TMEM45B: variants seen among roughly 807,000 people sequenced by gnomAD.
TMEM45B encodes the protein transmembrane protein 45B.
Under a neutral mutation model 27.3 loss-of-function variants are expected in TMEM45B, and 29 were observed. That is an observed-to-expected ratio of 1.06 (90% CI 0.79 to 1.45). TMEM45B has a LOEUF of 1.45. Ranked by LOEUF, TMEM45B falls within the 40% of genes most tolerant of loss-of-function variation. TMEM45B has a pLI of 0.00. For synonymous variants in TMEM45B, 143 were observed against 134.7 expected (o/e 1.06, Z -0.43); for missense variants, 348 against 343.9 (o/e 1.01, Z -0.09).
At chr11:129,827,837 G>T (rs1029551345) in intron 1 of TMEM45B, among the ~76,000 whole-genome samples, 1 of 152,108 alleles carries the variant, frequency 6.6e-6, no homozygotes, top group Non-Finnish European at 1.5e-5. Context: ...GAGCGTGGTG[G>T]TGCACACCTG....
intron 2 of TMEM45B, among the ~76,000 whole-genome samples, chr11:129,854,175 G>A (rs1029444339): frequency 6.6e-6 from 1 of 152,168 alleles, no homozygotes; most frequent in Non-Finnish European, 1.5e-5. Context: ...TTACCAGTGT[G>A]TCTCTGCTCA....
At chr11:129,832,001 G>A (rs923252744) in intron 1 of TMEM45B, among the ~76,000 whole-genome samples, 2 of 142,668 alleles carry the variant, frequency 1.4e-5, no homozygotes, top group African/African-American at 5.2e-5. Context: ...GGGAGGTAGA[G>A]GTTGCAGTGA....
chr11:129,842,835 A>G (rs1423808289), intron 1 of TMEM45B, among the ~76,000 whole-genome samples: 1 of 152,276 alleles, frequency 6.6e-6, no homozygotes, highest in East Asian at 1.9e-4. Context: ...TGCATAGCAA[A>G]GAAAACCATG....
intron 1 of TMEM45B, among the ~76,000 whole-genome samples, chr11:129,838,815 TC>T (rs1278944750): frequency 6.6e-6 from 1 of 152,138 alleles, no homozygotes; most frequent in Non-Finnish European, 1.5e-5. Flanking sequence ...AAATTCACTT[TC>T]CCCCTTTTTC....
rs191517970 is a variant in TMEM45B, at chr11:129,841,636, G to A, written c.-8-10839G>A. Among the ~76,000 whole-genome samples, 19 of 129,974 alleles carry A rather than the reference G, an allele frequency of 1.5e-4. 1 individual carries two copies. In the Middle Eastern group the frequency reaches 0.015, roughly 106 times the overall value. 85.3% of individuals were successfully genotyped at this position (129,974 alleles called of 152,430 possible). A position where few individuals can be genotyped will look rare whatever the true frequency, so the allele number is the denominator to read the frequency against. On this transcript the variant is annotated intron_variant, in intron 1 of 5. Transcript: ENST00000281441. ...AGACAAGAGTCTCACTCTGTCGCCCGCCCAGGCTGGAGTGCAGTGACGTGA... is the reference window on the plus strand; with the variant it reads ...AGACAAGAGTCTCACTCTGTCGCCCACCCAGGCTGGAGTGCAGTGACGTGA...
intron 1 of TMEM45B, among the ~76,000 whole-genome samples, chr11:129,838,071 C>A (rs529388031): frequency 6.6e-6 from 1 of 151,958 alleles, no homozygotes; most frequent in African/African-American, 2.4e-5. Context: ...CGTGAGCCAC[C>A]GCGTGCAGCC....
chr11:129,836,082 C>A (rs1219537852), intron 1 of TMEM45B, among the ~76,000 whole-genome samples: 2 of 151,952 alleles, frequency 1.3e-5, no homozygotes, highest in Non-Finnish European at 2.9e-5. Context: ...CGCGCCATTG[C>A]ACTCCAGCCT....
chr11:129,851,195 G>A (rs1225504511), intron 1 of TMEM45B, among the ~76,000 whole-genome samples: 1 of 152,154 alleles, frequency 6.6e-6, no homozygotes, highest in Non-Finnish European at 1.5e-5. Context: ...ATGAGGGAGG[G>A]CATCTGCTCC....
intron 1 of TMEM45B, among the ~76,000 whole-genome samples, chr11:129,834,442 A>G (rs1238105746): frequency 6.6e-6 from 1 of 151,982 alleles, no homozygotes; most frequent in Non-Finnish European, 1.5e-5. Flanking sequence ...AAGGAAAAAA[A>G]AAAACAGCAA....
In TMEM45B at chr11:129,833,179, G is replaced by T. The variant is rs1947573213; in HGVS notation, c.-9+17281G>T. On this transcript the variant is annotated intron_variant, in intron 1 of 5. Coordinates refer to ENST00000281441, the MANE Select transcript of TMEM45B (RefSeq NM_138788.5). Reference sequence around the variant, plus strand: ...TGCTTGAACCCGAGAGGTGGAGGCTGCAGTGAGTTGAGGTTGTGCCACTGC... The same window carrying T: ...TGCTTGAACCCGAGAGGTGGAGGCTTCAGTGAGTTGAGGTTGTGCCACTGC... Among the ~76,000 whole-genome samples, 2 of 151,650 alleles carry T rather than the reference G, an allele frequency of 1.3e-5. 1 individual carries two copies. Among genetic ancestry groups the T allele is most frequent in the Admixed American group, 1.3e-4 (2 of 15,178 alleles).
chr11:129,821,862 G>A (rs985775589), intron 1 of TMEM45B, among the ~76,000 whole-genome samples: 14 of 152,018 alleles, frequency 9.2e-5, no homozygotes, highest in African/African-American at 2.7e-4. Flanking sequence ...GTTTTTTGGC[G>A]GGGTGGGGGG....
chr11:129,837,719 T>A (rs1222789454), intron 1 of TMEM45B, among the ~76,000 whole-genome samples: 1 of 150,582 alleles, frequency 6.6e-6, no homozygotes, highest in Non-Finnish European at 1.5e-5. Flanking sequence ...CCAGCTAATT[T>A]TTTTTTTCTT....
intron 1 of TMEM45B, among the ~76,000 whole-genome samples, chr11:129,844,519 C>T (rs889807864): frequency 2.6e-5 from 4 of 152,080 alleles, no homozygotes; most frequent in African/African-American, 9.7e-5. Flanking sequence ...GACGTTGTCT[C>T]TACAAAAAAT....
chr11:129,848,366 C>T (rs921953383), intron 1 of TMEM45B, among the ~76,000 whole-genome samples: 7 of 151,320 alleles, frequency 4.6e-5, no homozygotes, highest in South Asian at 2.1e-4. Flanking sequence ...TACGAAAACC[C>T]GTCAGGCGTG....
At chr11:129,833,895 A>G (rs1010733007) in intron 1 of TMEM45B, among the ~76,000 whole-genome samples, 7 of 152,232 alleles carry the variant, frequency 4.6e-5, no homozygotes, top group Non-Finnish European at 1.0e-4. Flanking sequence ...CATTCTGCCA[A>G]TGCATTGGTC....
intron 1 of TMEM45B, among the ~76,000 whole-genome samples, chr11:129,833,259 A>AAAT (rs1565365826): frequency 2.4e-4 from 16 of 65,630 alleles, no homozygotes; most frequent in East Asian, 1.5e-3. Context: ...ACAGAAAAAT[A>AAAT]AAAAAAAAAA....
chr11:129,837,233 G>A (rs568148035), intron 1 of TMEM45B, among the ~76,000 whole-genome samples: 32 of 152,092 alleles, frequency 2.1e-4, no homozygotes, highest in Admixed American at 1.8e-3. Flanking sequence ...TCTCTACCAC[G>A]TGTAGATAGG....
chr11:129,851,988 T>C lies in TMEM45B; in HGVS notation c.-8-487T>C, dbSNP rs187234223. On this transcript the variant is annotated intron_variant, in intron 1 of 5. Transcript: ENST00000281441. ...TTTGTATTATTTTGTGAATCATCCG[T>C]TCATGTCTTCTGCCTATTCTTCTAC... is the stretch of plus-strand genomic sequence containing the variant. Among the ~76,000 whole-genome samples, 550 of 152,340 alleles carry C rather than the reference T, an allele frequency of 3.6e-3. 5 individuals are homozygous for C. The highest frequency in any genetic ancestry group is 0.013 in the African/African-American group (522 of 41,582).
At chr11:129,845,200 T>C (rs2135586585) in intron 1 of TMEM45B, among the ~76,000 whole-genome samples, 1 of 152,234 alleles carries the variant, frequency 6.6e-6, no homozygotes, top group Middle Eastern at 3.4e-3. Context: ...CACGCACACG[T>C]CTCTGCCTGT....
Sources: allele counts gnomAD v4.1 joint callset (sites outside exome capture counted in the v4.1 genomes callset), GRCh38; gene constraint gnomAD v4.1.1; transcripts MANE v1.5; gene names NCBI Gene and HGNC (gene_info 2026-07-23, HGNC 2026-07-21).